Variants in PBXIP1 observed in about 807,000 individuals in gnomAD.
The protein encoded by PBXIP1 is pre-B-cell leukemia transcription factor-interacting protein 1.
In PBXIP1, 73 loss-of-function variants were observed where a neutral mutation model predicts 73.7. The observed-to-expected ratio is 0.99, with a 90% CI of 0.82 to 1.20. The LOEUF is 1.20. PBXIP1 is among the 50% of genes most tolerant of loss of function. The pLI, the probability that PBXIP1 is intolerant of heterozygous loss-of-function variation, is 0.00. For missense variants in PBXIP1, 818 were observed against 911.4 expected (o/e 0.90, Z 1.32); for synonymous variants, 330 against 366.9 (o/e 0.90, Z 1.15).
rs529270147 is a variant in PBXIP1 at position 154,946,263 on chromosome 1, C to G, written c.1411G>C (p.Glu471Gln). 4 of 1,614,052 alleles carry G rather than the reference C, an allele frequency of 2.5e-6. No homozygotes were observed. Among genetic ancestry groups the G allele is most frequent in the Non-Finnish European group, 3.4e-6 (4 of 1,180,022 alleles). The change falls in exon 10 of 11, where the codon GAG becomes CAG. Residue 471 changes from glutamate to glutamine, a missense_variant. Glu to Gln is a conservative substitution (Grantham distance 29). Transcript: ENST00000368463. ...HQKSHFQNSR[E>Q]WSGKEKWWDG... ...CACCACTTTTCCTTTCCACTCCACT[C>G]CCTAGAATTCTGGAAGTGGGACTTC...
In PBXIP1 at chr1:154,951,753, T is replaced by C. The variant is rs1387318704; in HGVS notation, c.178+42A>G. On this transcript the variant is annotated intron_variant, in intron 3 of 10. Coordinates refer to ENST00000368463, the MANE Select transcript of PBXIP1 (RefSeq NM_020524.4). This position sits in a 1 kb window ranked among gnomAD's most constrained non-coding sequence, Gnocchi z 4.3. ...CTGAGAAACCCCAAAATATGGAGAA[T>C]AGCTTTGTCCGGTAAGCTATGTCCT... 3.1e-6 allele frequency: 5 copies of C among 1,601,730 alleles called. No homozygotes were observed. Among genetic ancestry groups the C allele is most frequent in the Non-Finnish European group, 2.6e-6 (3 of 1,175,498 alleles).
Position 154,951,604 on chromosome 1 carries a change from A to G in PBXIP1, c.179-69T>C. On this transcript the variant is annotated intron_variant, in intron 3 of 10. Coordinates refer to ENST00000368463, the MANE Select transcript of PBXIP1 (RefSeq NM_020524.4). This position sits in a 1 kb window ranked among gnomAD's most constrained non-coding sequence, Gnocchi z 4.3. Reference sequence around the variant, plus strand: ...GAATTTCCTTTGCAGCCCTCTGTCCATCCCACGGGCCCCTACCAGGTTGGA... The same window carrying G: ...GAATTTCCTTTGCAGCCCTCTGTCCGTCCCACGGGCCCCTACCAGGTTGGA... 6.6e-7 allele frequency: 1 copy of G among 1,526,022 alleles called. No homozygotes were observed. The highest frequency in any genetic ancestry group is 9.1e-7 in the Non-Finnish European group (1 of 1,100,410). The allele number at this position is 1,526,022 out of a possible 1,614,324, so 94.5% of individuals were successfully genotyped here.
intron 2 of PBXIP1, among the ~76,000 whole-genome samples, chr1:154,952,519 C>G (rs1255978903): frequency 1.3e-5 from 2 of 152,186 alleles, no homozygotes; most frequent in Non-Finnish European, 2.9e-5. Context: ...CACACAGCCT[C>G]GGCCTCCTCC....
At position 154,952,306 on chromosome 1, in the gene PBXIP1, A is replaced by G. The variant is rs985921444; in HGVS notation, c.52-385T>C. Among the ~76,000 whole-genome samples, 3 of 152,316 alleles carry G rather than the reference A, an allele frequency of 2.0e-5. No homozygotes were observed. The East Asian group carries it at 5.8e-4, about 29-fold the overall frequency. Reference sequence around the variant, plus strand: ...AGTCCCCTGGGTGCCCACGGGTCACAGTTATGCCTCCCAGGGTGTCCCTGC... The same window carrying G: ...AGTCCCCTGGGTGCCCACGGGTCACGGTTATGCCTCCCAGGGTGTCCCTGC... On this transcript the variant is annotated intron_variant, in intron 2 of 10. Transcript: ENST00000368463.
Position 154,951,774 on chromosome 1 carries a change from G to C in PBXIP1, c.178+21C>G. On this transcript the variant is annotated intron_variant, in intron 3 of 10. Coordinates refer to ENST00000368463, the MANE Select transcript of PBXIP1 (RefSeq NM_020524.4). The surrounding 1 kb of genome is among the most constrained non-coding windows in gnomAD (Gnocchi z 4.3). ...AGAATAGCTTTGTCCGGTAAGCTATGTCCTAAGCAGGGCCCAGTACCTTCT... is the reference window on the plus strand; with the variant it reads ...AGAATAGCTTTGTCCGGTAAGCTATCTCCTAAGCAGGGCCCAGTACCTTCT... The C allele has an allele frequency of 2.5e-6, 4 of 1,612,140 alleles. No individual in the cohort carries two copies. The highest frequency in any genetic ancestry group is 3.4e-6 in the Non-Finnish European group (4 of 1,179,128).
Position 154,945,410 on chromosome 1 carries a change from C to T in PBXIP1, c.2102+162G>A, listed in dbSNP as rs549839356. 7.9e-5 allele frequency among the ~76,000 whole-genome samples: 12 copies of T among 152,288 alleles called. No individual in the cohort carries two copies. The South Asian group carries it at 2.5e-3, about 32-fold the overall frequency. ...ACCACTCTGGGGTGGGCACAGGCAG[C>T]TTCCTACCCTCAAGGGAAGAAAGGA... On this transcript the variant is annotated intron_variant, in intron 10 of 10. Transcript: ENST00000368463.
Position 154,945,824 on chromosome 1 carries a change from G to C in PBXIP1, c.1850C>G (p.Ser617Cys). 6.2e-7 allele frequency: 1 copy of C among 1,614,186 alleles called. No individual in the cohort carries two copies. The change falls in exon 10 of 11, where the codon TCT becomes TGT. Residue 617 changes from serine to cysteine, a missense_variant. Ser to Cys is a moderately radical substitution (Grantham distance 112). Transcript: ENST00000368463. The stretch of plus-strand genomic sequence containing the variant: ...CCGTGCCAAGTATGTTCTTAGCAGA[G>C]AGGCCAGCTCCTGTTGCCGCACTGG... ...LAPVRQQELA[S>C]LLRTYLARLP...
chr1:154,947,901 C>T, intron 7 of PBXIP1, 81 bp downstream of exon 7: 1 of 1,480,080 alleles, frequency 6.8e-7, no homozygotes, highest in East Asian at 2.3e-5. Context: ...AAATGTGAGC[C>T]CCCAGCACCC....
chr1:154,944,703 G>A lies in PBXIP1; in HGVS notation c.*321C>T. The A allele has an allele frequency of 3.5e-6, 1 of 283,058 alleles. No homozygotes were observed. The highest frequency in any genetic ancestry group is 7.0e-5 in the East Asian group (1 of 14,296). The allele number at this position is 283,058 out of a possible 1,614,324, so 17.5% of individuals were successfully genotyped here. ...CACTCAAGAGGATGAAAGCTCTTTA[G>A]CTTCAGAATCAGATTGCCTTCCCCA... is the stretch of plus-strand genomic sequence containing the variant. On this transcript the variant is annotated 3_prime_UTR_variant, in exon 11 of 11. Transcript: ENST00000368463.
In PBXIP1 at chr1:154,953,673, C is replaced by G. The variant is rs143302711; in HGVS notation, c.49G>C (p.Glu17Gln). ...GTTCCCAGGCCCGCTCTTCCTACCT[C>G]GGAGCCAGCAAGCACCCAGCTATTA... ...SDNSWVLAGSESLPVETLGPA... is the reference protein window; with the variant it reads ...SDNSWVLAGSQSLPVETLGPA... The change falls in exon 2 of 11, where the codon GAG becomes CAG. Residue 17 changes from glutamate (E) to glutamine (Q), a missense_variant and splice_region_variant. By Grantham distance (29) the Glu-to-Gln change is conservative. Coordinates refer to ENST00000368463, the MANE Select transcript of PBXIP1 (RefSeq NM_020524.4). The G allele has an allele frequency of 6.2e-7, 1 of 1,610,776 alleles. No individual in the cohort carries two copies. The highest frequency in any genetic ancestry group is 1.7e-5 in the Admixed American group (1 of 59,996).
At chr1:154,948,026 G>A in intron 6 of PBXIP1, 21 bp from the exon 7 acceptor site, 1 of 1,610,980 alleles carries the variant, frequency 6.2e-7, no homozygotes, top group Non-Finnish European at 8.5e-7. Context: ...AGACAGAGGA[G>A]TCTGATGAGG....
rs1467332971 is a variant in PBXIP1 at position 154,946,457 on chromosome 1, C to T, written c.1217G>A (p.Gly406Glu). Reference sequence around the variant, plus strand: ...CCTCTCCAGATCCTGCTGTACAGACCCCAGCAGCCGTCGCTGCCTCTCTAA... The same window carrying T: ...CCTCTCCAGATCCTGCTGTACAGACTCCAGCAGCCGTCGCTGCCTCTCTAA... ...QELERQRRLLGSVQQDLERSL... is the reference protein window; with the variant it reads ...QELERQRRLLESVQQDLERSL... The change falls in exon 10 of 11, where the codon GGG becomes GAG. Residue 406 changes from glycine to glutamate, a missense_variant. Physicochemically the swap from Gly to Glu is moderately conservative, Grantham distance 98. Transcript: ENST00000368463. 6.2e-7 allele frequency: 1 copy of T among 1,608,668 alleles called. No homozygotes were observed. Among genetic ancestry groups the T allele is most frequent in the South Asian group, 1.1e-5 (1 of 91,088 alleles).
chr1:154,946,963 T>C (rs1654848392), intron 9 of PBXIP1, 160 bp from the exon 10 acceptor site: 2 of 619,476 alleles, frequency 3.2e-6, no homozygotes, highest in Non-Finnish European at 5.5e-6. Context: ...CTCCACCCCA[T>C]CTCCATCATG....
rs1655082883 is a variant in PBXIP1, at chr1:154,953,677, G to A, written c.45C>T (p.Gly15=). The A allele has an allele frequency of 6.2e-7, 1 of 1,611,732 alleles. No individual in the cohort carries two copies. The highest frequency in any genetic ancestry group is 8.5e-7 in the Non-Finnish European group (1 of 1,178,224). The stretch of plus-strand genomic sequence containing the variant: ...CCAGGCCCGCTCTTCCTACCTCGGA[G>A]CCAGCAAGCACCCAGCTATTATCAG... ...PDSDNSWVLA[G]SESLPVETLG... The change falls in exon 2 of 11, where the codon GGC becomes GGT. Residue 15 remains glycine, a synonymous_variant. Coordinates refer to ENST00000368463, the MANE Select transcript of PBXIP1 (RefSeq NM_020524.4).
Position 154,946,569 on chromosome 1 carries a change from G to C in PBXIP1, c.1105C>G (p.Gln369Glu). 6.2e-7 allele frequency: 1 copy of C among 1,612,766 alleles called. No individual in the cohort carries two copies. Among genetic ancestry groups the C allele is most frequent in the Non-Finnish European group, 8.5e-7 (1 of 1,179,870 alleles). ...TCTGGCTCCTGCTCCCTGGGGCCTT[G>C]CTCCCTGATGGCCTTGTCACCCTGT... ...GPQGDKAIRE[Q>E]GPREQEPELS... is the part of the protein sequence containing the mutation. Residue 369 changes from glutamine (Q) to glutamate (E), a missense_variant, in exon 10 of 11, where the codon CAA (glutamine) becomes GAA (glutamate). Gln to Glu is a conservative substitution (Grantham distance 29). Transcript: ENST00000368463.
chr1:154,952,257 G>GCAA (rs1655031022), intron 2 of PBXIP1, among the ~76,000 whole-genome samples: 1 of 152,136 alleles, frequency 6.6e-6, no homozygotes, highest in Admixed American at 6.5e-5. Context: ...TAATATTAAG[G>GCAA]GTGGGAAGAA....
intron 1 of PBXIP1, among the ~76,000 whole-genome samples, chr1:154,954,368 G>T (rs1655107789): frequency 6.6e-6 from 1 of 152,146 alleles, no homozygotes; most frequent in Admixed American, 6.5e-5. Context: ...GAGTTGGGGG[G>T]TAGGCCCGGC....
chr1:154,954,899 T>A (rs919055626), intron 1 of PBXIP1: 1 of 890,958 alleles, frequency 1.1e-6, no homozygotes, highest in African/African-American at 1.8e-5. Context: ...TCCCGAGCAC[T>A]TTATAAGAAA....
Position 154,946,462 on chromosome 1 carries a change from C to T in PBXIP1, c.1212G>A (p.Leu404=), listed in dbSNP as rs1654825739. 1 of 1,608,486 alleles carries T rather than the reference C, an allele frequency of 6.2e-7. No homozygotes were observed. The highest frequency in any genetic ancestry group is 8.5e-7 in the Non-Finnish European group (1 of 1,180,000). The change falls in exon 10 of 11, where the codon CTG becomes CTA. Residue 404 remains leucine (L), a synonymous_variant. Transcript: ENST00000368463. Reference sequence around the variant, plus strand: ...CCAGATCCTGCTGTACAGACCCCAGCAGCCGTCGCTGCCTCTCTAACTCTT... The same window carrying T: ...CCAGATCCTGCTGTACAGACCCCAGTAGCCGTCGCTGCCTCTCTAACTCTT... The part of the protein sequence containing the change: ...LRQELERQRR[L]LGSVQQDLER...
Sources: gnomAD v4.1 joint callset for allele counts (sites outside exome capture counted in the v4.1 genomes callset) on GRCh38, gnomAD v4.1.1 for gene constraint, Gnocchi (gnomAD v3.1) non-coding constraint, MANE v1.5 for transcripts, NCBI Gene and HGNC (gene_info 2026-07-23, HGNC 2026-07-21) for gene names.